The following SATB2 variants were observed in gnomAD, a reference collection of about 807,000 sequenced individuals.
SATB2 encodes DNA-binding protein SATB2.
In SATB2, 1 loss-of-function variant was observed where a neutral mutation model predicts 73.4. The observed-to-expected ratio is 0.01, with a 90% confidence interval of 0.00 to 0.06. SATB2 has a LOEUF of 0.06. Among genes scored for constraint, SATB2 ranks in the 10% least tolerant of loss-of-function variants. The probability of loss-of-function intolerance (pLI) is 1.00; values close to 1 mark genes in which losing one functional copy is unlikely to be tolerated. For synonymous variants in SATB2, 397 were observed against 367.0 expected (o/e 1.08, Z -0.93); for missense variants, 459 against 945.8 (o/e 0.49, Z 6.75).
At chr2:199,364,182 G>A (rs916662313) in intron 6 of SATB2, among the ~76,000 whole-genome samples, 5 of 152,152 alleles carry the variant, frequency 3.3e-5, no homozygotes, top group Non-Finnish European at 7.4e-5. Context: ...TGCTTTAAAT[G>A]TGGTAACATT....
upstream of SATB2, among the ~76,000 whole-genome samples, chr2:199,466,162 C>G (rs901652131): frequency 6.6e-6 from 1 of 152,200 alleles, no homozygotes; most frequent in Non-Finnish European, 1.5e-5. Context: ...GCCCTTTGCA[C>G]ATTCCAAGTG....
chr2:199,466,943 G>A (rs905643858), upstream of SATB2, among the ~76,000 whole-genome samples: 9 of 152,260 alleles, frequency 5.9e-5, no homozygotes, highest in African/African-American at 1.9e-4. Flanking sequence ...AATTAAGACA[G>A]TTATGCGCCG....
In SATB2 at chr2:199,337,632, C is replaced by A. The variant is rs547296410; in HGVS notation, c.1174-8722G>T. On this transcript the variant is annotated intron_variant, in intron 7 of 10. Coordinates refer to ENST00000417098, the MANE Select transcript of SATB2 (RefSeq NM_001172509.2). ...CACATGCTCATCTGGGGGTGTGTACCAGCTCATGATGTAAAAAGTATTTCT... is the reference window on the plus strand; with the variant it reads ...CACATGCTCATCTGGGGGTGTGTACAAGCTCATGATGTAAAAAGTATTTCT... Among the ~76,000 whole-genome samples the A allele has an allele frequency of 2.6e-5, 4 of 152,212 alleles. No homozygotes were observed. In the East Asian group the frequency reaches 7.7e-4, roughly 29 times the overall value.
intron 10 of SATB2, among the ~76,000 whole-genome samples, chr2:199,281,260 ATGTATG>A (rs1559140263): frequency 8.0e-5 from 2 of 24,850 alleles, no homozygotes; most frequent in Admixed American, 7.7e-4. Context: ...GTGTGTATGT[ATGTATG>A]TGTGTGTGTG....
intron 3 of SATB2, among the ~76,000 whole-genome samples, chr2:199,419,533 T>G (rs1691101334): frequency 6.6e-6 from 1 of 152,202 alleles, no homozygotes; most frequent in Non-Finnish European, 1.5e-5. Flanking sequence ...ACAGCATGTT[T>G]TTTAAAAATT....
intron 3 of SATB2, among the ~76,000 whole-genome samples, chr2:199,430,003 C>A (rs1691453691): frequency 6.6e-6 from 1 of 152,132 alleles, no homozygotes; most frequent in Non-Finnish European, 1.5e-5. Flanking sequence ...TGCCCACTTA[C>A]AAATTAAATC....
At chr2:199,467,150 C>T (rs544694024), upstream of SATB2, among the ~76,000 whole-genome samples, 2 of 152,380 alleles carry the variant, frequency 1.3e-5, no homozygotes, top group South Asian at 4.1e-4. Flanking sequence ...GTCAGGTCTC[C>T]CGGCCAGACT....
rs1473236635 is a variant in SATB2 at position 199,464,854 on chromosome 2, C to T, written c.-159G>A. On this transcript the variant is annotated 5_prime_UTR_variant, in exon 1 of 12. Coordinates refer to the SATB2 transcript ENST00000260926. This position sits in a 1 kb window ranked among gnomAD's most constrained non-coding sequence, Gnocchi z 6.6. Reference sequence around the variant, plus strand: ...GGCTCACCTCGGCTCGCTGCGCCCGCCTTCGCCCCAAGTGCCCAGGACGGA... The same window carrying T: ...GGCTCACCTCGGCTCGCTGCGCCCGTCTTCGCCCCAAGTGCCCAGGACGGA... The T allele has an allele frequency of 6.6e-6, 1 of 152,408 alleles. No homozygotes were observed. Among genetic ancestry groups the T allele is most frequent in the Non-Finnish European group, 1.5e-5 (1 of 68,208 alleles). 9.4% of individuals were successfully genotyped at this position (152,408 alleles called of 1,614,324 possible).
At chr2:199,440,824 G>A (rs550125239) in intron 2 of SATB2, among the ~76,000 whole-genome samples, 1 of 151,256 alleles carries the variant, frequency 6.6e-6, no homozygotes, top group Non-Finnish European at 1.5e-5. Flanking sequence ...TTCCAGTTAT[G>A]AGGAAGGCAA....
At chr2:199,336,468 T>G (rs1412393194) in intron 7 of SATB2, among the ~76,000 whole-genome samples, 1 of 152,212 alleles carries the variant, frequency 6.6e-6, no homozygotes, top group African/African-American at 2.4e-5. Context: ...AAAATAGTAC[T>G]TTCCTAAAAC....
intron 2 of SATB2, among the ~76,000 whole-genome samples, chr2:199,448,159 C>G (rs567065975): frequency 1.3e-5 from 2 of 152,238 alleles, no homozygotes; most frequent in African/African-American, 4.8e-5. Context: ...ATTGCTATTT[C>G]AAGTGTTTTG....
At chr2:199,440,803 ATCAG>A (rs796743348) in intron 2 of SATB2, among the ~76,000 whole-genome samples, 9 of 151,966 alleles carry the variant, frequency 5.9e-5, no homozygotes, top group East Asian at 1.9e-4. Context: ...ACAGGTAGAG[ATCAG>A]TCAATTTTCC....
intron 3 of SATB2, among the ~76,000 whole-genome samples, chr2:199,422,042 A>G (rs1691187233): frequency 6.6e-6 from 1 of 152,162 alleles, no homozygotes; most frequent in South Asian, 2.1e-4. Flanking sequence ...TCAAGAGAAA[A>G]CTAATGTTTC....
At chr2:199,327,980 C>A (rs977200018) in intron 8 of SATB2, among the ~76,000 whole-genome samples, 12 of 152,166 alleles carry the variant, frequency 7.9e-5, no homozygotes, top group Non-Finnish European at 1.6e-4. Flanking sequence ...ACCTCTACCC[C>A]ATCCAGCCCA....
In SATB2 at chr2:199,324,037, T is replaced by C. The variant is rs1687967028; in HGVS notation, c.1387-79A>G. 12 of 1,515,964 alleles carry C rather than the reference T, an allele frequency of 7.9e-6. 1 individual carries two copies. The highest frequency in any genetic ancestry group is 7.3e-6 in the Non-Finnish European group (8 of 1,091,556). The allele number at this position is 1,515,964 out of a possible 1,614,324, so 93.9% of individuals were successfully genotyped here. A position where few individuals can be genotyped will look rare whatever the true frequency, so the allele number is the denominator to read the frequency against. On this transcript the variant is annotated intron_variant, in intron 8 of 10. Transcript: ENST00000417098. ...CATCTGTGCAGAAATTATCAAAGGA[T>C]TTCAGTCAGCTGATGCCAAACTGCA... is the stretch of plus-strand genomic sequence containing the variant.
intron 3 of SATB2, among the ~76,000 whole-genome samples, chr2:199,425,799 G>A (rs1045058443): frequency 1.8e-4 from 28 of 152,048 alleles, no homozygotes; most frequent in African/African-American, 6.5e-4. Context: ...ATTGGGATGA[G>A]GAAATAAGGT....
At chr2:199,423,410 T>C (rs1691231716) in intron 3 of SATB2, among the ~76,000 whole-genome samples, 2 of 152,068 alleles carry the variant, frequency 1.3e-5, no homozygotes. Flanking sequence ...TTTCTTAGCT[T>C]TCCTTTCTGC....
intron 10 of SATB2, among the ~76,000 whole-genome samples, chr2:199,275,450 C>T (rs114002939): frequency 1.6e-4 from 23 of 148,252 alleles, no homozygotes; most frequent in African/African-American, 4.9e-4. Flanking sequence ...GATTAATTAA[C>T]TGAATCCTGA....
intron 7 of SATB2, among the ~76,000 whole-genome samples, chr2:199,330,235 G>C (rs1688148817): frequency 6.6e-6 from 1 of 152,158 alleles, no homozygotes; most frequent in Non-Finnish European, 1.5e-5. Context: ...TTAAAATAAA[G>C]CAATGCATTA....
Sources: allele counts gnomAD v4.1 joint callset (sites outside exome capture counted in the v4.1 genomes callset), GRCh38; gene constraint gnomAD v4.1.1; non-coding constraint Gnocchi (gnomAD v3.1); transcripts MANE v1.5; gene names NCBI Gene and HGNC (gene_info 2026-07-23, HGNC 2026-07-21).